Variants in GATD1 observed in about 807,000 individuals in gnomAD.
GATD1 encodes the protein glutamine amidotransferase class 1 domain containing 1, also known as glutamine amidotransferase-like class 1 domain-containing protein 1.
GATD1 carries 23 observed loss-of-function variants against 25.9 expected under a neutral mutation model. The ratio of observed to expected loss-of-function variants is 0.89; its 90% confidence interval spans 0.64 to 1.26. The LOEUF (loss-of-function observed/expected upper bound fraction) is 1.26, where lower values mean the gene tolerates loss of function less well. GATD1 is among the 50% of genes most tolerant of loss of function. The pLI is 0.00. For missense variants in GATD1, 347 were observed against 312.5 expected, an observed-to-expected ratio of 1.11 and a Z score of -0.83; for synonymous variants, 177 against 134.6, an observed-to-expected ratio of 1.31 and a Z score of -2.18.
Position 770,111 on chromosome 11 carries a change from G to T in GATD1, c.*786C>A. On this transcript the variant is annotated 3_prime_UTR_variant, in exon 8 of 8. Transcript: ENST00000319863. ...GGACGCCCTAACCTGGGGCCAGGGG[G>T]CAGCCCGCTGGAGGGCCACAGCCCA... 8.2e-7 allele frequency: 1 copy of T among 1,223,190 alleles called. No individual in the cohort carries two copies. Among genetic ancestry groups the T allele is most frequent in the Middle Eastern group, 3.1e-4 (1 of 3,262 alleles). The allele number at this position is 1,223,190 out of a possible 1,614,324, so 75.8% of individuals were successfully genotyped here. A position where few individuals can be genotyped will look rare whatever the true frequency, so the allele number is the denominator to read the frequency against.
intron 3 of GATD1, 71 bp downstream of exon 3, chr11:773,937 A>G (rs1300254022): frequency 1.4e-6 from 2 of 1,427,858 alleles, no homozygotes; most frequent in Admixed American, 1.7e-5. Context: ...TAAGACCCCA[A>G]ACCTATCTGG....
intron 2 of GATD1, 71 bp from the exon 3 acceptor site, chr11:774,184 A>G: frequency 1.5e-6 from 2 of 1,370,262 alleles, no homozygotes; most frequent in East Asian, 4.7e-5. Flanking sequence ...GGGAGCCTGA[A>G]AAAGCTGACA....
At chr11:771,543 T>C in intron 5 of GATD1, 117 bp from the exon 6 acceptor site, 1 of 1,425,406 alleles carries the variant, frequency 7.0e-7, no homozygotes, top group Non-Finnish European at 9.1e-7. Flanking sequence ...ACCGGGGGTG[T>C]CACTGCTCAT....
chr11:777,456 A>G lies in GATD1; in HGVS notation c.7T>C (p.Ser3Pro), dbSNP rs2133667022. 2 of 1,243,508 alleles carry G rather than the reference A, an allele frequency of 1.6e-6. No homozygotes were observed. The highest frequency in any genetic ancestry group is 2.0e-6 in the Non-Finnish European group (2 of 992,128). 77.0% of individuals were successfully genotyped at this position (1,243,508 alleles called of 1,614,324 possible). A position where few individuals can be genotyped will look rare whatever the true frequency, so the allele number is the denominator to read the frequency against. ...GCGGGCCTGTTAGGGAGCCGCTCGG[A>G]CGCCATGGCTCGGGCTCGGCGCTGG... MA[S>P]ERLPNRPACL... The change falls in exon 1 of 8, where the codon TCC (serine) becomes CCC (proline). Residue 3 changes from serine (S) to proline (P), a missense_variant. Ser to Pro is a moderately conservative substitution (Grantham distance 74). Coordinates refer to ENST00000319863, the MANE Select transcript of GATD1 (RefSeq NM_182612.4).
At position 767,451 on chromosome 11, in the gene GATD1, G is replaced by A; in HGVS notation, c.*3446C>T. ...CGCACGCAGCTGAGGAATGACGCAG[G>A]GGCCTGCAGGCAGCTCACGCGGAGA... is the stretch of plus-strand genomic sequence containing the variant. On this transcript the variant is annotated 3_prime_UTR_variant, in exon 8 of 8. Coordinates refer to ENST00000319863, the MANE Select transcript of GATD1 (RefSeq NM_182612.4). 2.0e-6 allele frequency: 3 copies of A among 1,470,268 alleles called. No homozygotes were observed. Among genetic ancestry groups the A allele is most frequent in the Non-Finnish European group, 9.0e-7 (1 of 1,116,570 alleles). 91.1% of individuals were successfully genotyped at this position (1,470,268 alleles called of 1,614,324 possible).
chr11:775,055 G>C lies in GATD1; in HGVS notation c.141+11C>G. ...CCAAGTGTCCAGTGGGGAAGGAGAG[G>C]CTGGACTTACCCCAGGGGTGGCCAC... On this transcript the variant is annotated intron_variant, in intron 2 of 7. Transcript: ENST00000319863. 6.3e-7 allele frequency: 1 copy of C among 1,596,766 alleles called. No homozygotes were observed. The highest frequency in any genetic ancestry group is 8.5e-7 in the Non-Finnish European group (1 of 1,172,824).
In GATD1 at chr11:770,451, T is replaced by C. The variant is rs909310463; in HGVS notation, c.*446A>G. 6.8e-7 allele frequency: 1 copy of C among 1,477,728 alleles called. No individual in the cohort carries two copies. Among genetic ancestry groups the C allele is most frequent in the African/African-American group, 1.4e-5 (1 of 71,334 alleles). 91.5% of individuals were successfully genotyped at this position (1,477,728 alleles called of 1,614,324 possible). A position where few individuals can be genotyped will look rare whatever the true frequency, so the allele number is the denominator to read the frequency against. ...AAGTTCTGAGCCAGCTCCCGCCGGCTGGGCCCTCCCCTCAAGGCCCCCACC... is the reference window on the plus strand; with the variant it reads ...AAGTTCTGAGCCAGCTCCCGCCGGCCGGGCCCTCCCCTCAAGGCCCCCACC... On this transcript the variant is annotated 3_prime_UTR_variant, in exon 8 of 8. Coordinates refer to ENST00000319863, the MANE Select transcript of GATD1 (RefSeq NM_182612.4).
chr11:770,550 T>C lies in GATD1; in HGVS notation c.*347A>G, dbSNP rs1023029528. Reference sequence around the variant, plus strand: ...CCACACAGAGGACCCCCGAGCCGACTCTGTCTAGTCAACAGTGACCACACG... The same window carrying C: ...CCACACAGAGGACCCCCGAGCCGACCCTGTCTAGTCAACAGTGACCACACG... On this transcript the variant is annotated 3_prime_UTR_variant, in exon 8 of 8. Coordinates refer to ENST00000319863, the MANE Select transcript of GATD1 (RefSeq NM_182612.4). The C allele has an allele frequency of 1.4e-5, 20 of 1,412,302 alleles. No individual in the cohort carries two copies. Among genetic ancestry groups the C allele is most frequent in the Non-Finnish European group, 1.8e-5 (19 of 1,085,366 alleles). 87.5% of individuals were successfully genotyped at this position (1,412,302 alleles called of 1,614,324 possible).
chr11:773,668 A>C, intron 3 of GATD1, 39 bp from the exon 4 acceptor site: 2 of 1,478,394 alleles, frequency 1.4e-6, no homozygotes, highest in Non-Finnish European at 9.3e-7. Flanking sequence ...GCCACATGTC[A>C]AAGTGAGACT....
At chr11:773,699 G>A in intron 3 of GATD1, 70 bp from the exon 4 acceptor site, 7 of 1,211,170 alleles carry the variant, frequency 5.8e-6, no homozygotes, top group Non-Finnish European at 7.1e-6. Context: ...CCAGGCCCGA[G>A]TGCGTGGCCA....
In GATD1 at chr11:771,056, G is replaced by A; in HGVS notation, c.593C>T (p.Thr198Ile). The A allele has an allele frequency of 6.2e-7, 1 of 1,612,116 alleles. No individual in the cohort carries two copies. The highest frequency in any genetic ancestry group is 1.1e-5 in the South Asian group (1 of 90,982). ...VHVVLDRHLV[T>I]GQNASSTVPA... ...GACAGTGGAGCTGGCATTCTGGCCT[G>A]TGACCAGGTGGCGGTCCAGCACGAC... The change falls in exon 7 of 8, where the codon ACA (threonine) becomes ATA (isoleucine). Residue 198 changes from threonine (T) to isoleucine (I), a missense_variant. Physicochemically the swap from Thr to Ile is moderately conservative, Grantham distance 89. Coordinates refer to ENST00000319863, the MANE Select transcript of GATD1 (RefSeq NM_182612.4).
chr11:770,311 T>C lies in GATD1; in HGVS notation c.*586A>G, dbSNP rs1863317334. ...GGACAGGGTGCATCACTGAGGTGCT[T>C]ACACTTTGAAACCACACGCCAGGAA... On this transcript the variant is annotated 3_prime_UTR_variant, in exon 8 of 8. Transcript: ENST00000319863. 2 of 1,531,454 alleles carry C rather than the reference T, an allele frequency of 1.3e-6. No individual in the cohort carries two copies. The highest frequency in any genetic ancestry group is 2.7e-5 in the African/African-American group (2 of 72,880). The allele number at this position is 1,531,454 out of a possible 1,614,324, so 94.9% of individuals were successfully genotyped here.
In GATD1 at chr11:775,108, C is replaced by T. The variant is rs56345968; in HGVS notation, c.99G>A (p.Thr33=). ...VSAQSFLHCF[T]MASTAFNLQV... Reference sequence around the variant, plus strand: ...GCAGGTTGAAGGCGGTGCTGGCCATCGTGAAACAGTGGAGGAAGGACTGGG... The same window carrying T: ...GCAGGTTGAAGGCGGTGCTGGCCATTGTGAAACAGTGGAGGAAGGACTGGG... Residue 33 remains threonine (T), a synonymous_variant, in exon 2 of 8, where the codon ACG becomes ACA. Coordinates refer to ENST00000319863, the MANE Select transcript of GATD1 (RefSeq NM_182612.4). 35,378 of 1,605,700 alleles carry T rather than the reference C, an allele frequency of 0.022. 949 individuals are homozygous for T. The highest frequency in any genetic ancestry group is 0.14 in the African/African-American group (10,415 of 74,934).
intron 1 of GATD1, among the ~76,000 whole-genome samples, chr11:776,399 C>A (rs2133655830): frequency 6.6e-6 from 1 of 152,272 alleles, no homozygotes; most frequent in Non-Finnish European, 1.5e-5. Flanking sequence ...CCCTTCCGGC[C>A]TCCTGAAGTG....
rs1266237319 is a variant in GATD1 at position 767,916 on chromosome 11, T to A, written c.*2981A>T. On this transcript the variant is annotated 3_prime_UTR_variant, in exon 8 of 8. Coordinates refer to ENST00000319863, the MANE Select transcript of GATD1 (RefSeq NM_182612.4). Reference sequence around the variant, plus strand: ...CCCAGACTAGAGTGCAGTGGCACGATGTCAGCTCACTGCAACCTCCGCCTC... The same window carrying A: ...CCCAGACTAGAGTGCAGTGGCACGAAGTCAGCTCACTGCAACCTCCGCCTC... 6.6e-6 allele frequency: 1 copy of A among 152,152 alleles called. No homozygotes were observed. Among genetic ancestry groups the A allele is most frequent in the Non-Finnish European group, 1.5e-5 (1 of 68,250 alleles). 9.4% of individuals were successfully genotyped at this position (152,152 alleles called of 1,614,324 possible). A position where few individuals can be genotyped will look rare whatever the true frequency, so the allele number is the denominator to read the frequency against.
In GATD1 at chr11:770,117, C is replaced by A; in HGVS notation, c.*780G>T. 8.2e-7 allele frequency: 1 copy of A among 1,226,664 alleles called. No homozygotes were observed. Among genetic ancestry groups the A allele is most frequent in the Non-Finnish European group, 1.0e-6 (1 of 983,954 alleles). 76.0% of individuals were successfully genotyped at this position (1,226,664 alleles called of 1,614,324 possible). ...CCTAACCTGGGGCCAGGGGGCAGCCCGCTGGAGGGCCACAGCCCAGGCCAG... is the reference window on the plus strand; with the variant it reads ...CCTAACCTGGGGCCAGGGGGCAGCCAGCTGGAGGGCCACAGCCCAGGCCAG... On this transcript the variant is annotated 3_prime_UTR_variant, in exon 8 of 8. Coordinates refer to ENST00000319863, the MANE Select transcript of GATD1 (RefSeq NM_182612.4).
rs926318460 is a variant in GATD1 at position 776,480 on chromosome 11, T to C, written c.64+919A>G. Among the ~76,000 whole-genome samples the C allele has an allele frequency of 8.5e-5, 13 of 152,092 alleles. No individual in the cohort carries two copies. In the East Asian group the frequency reaches 2.5e-3, roughly 30 times the overall value. On this transcript the variant is annotated intron_variant, in intron 1 of 7. Coordinates refer to ENST00000319863, the MANE Select transcript of GATD1 (RefSeq NM_182612.4). ...CGGACCTCCTCACGCCTACCTGCTCTGGAAACAAGCCCCAACCCACCCCCC... is the reference window on the plus strand; with the variant it reads ...CGGACCTCCTCACGCCTACCTGCTCCGGAAACAAGCCCCAACCCACCCCCC...
chr11:770,753 G>A lies in GATD1; in HGVS notation c.*144C>T, dbSNP rs1863354881. The A allele has an allele frequency of 2.7e-6, 4 of 1,503,208 alleles. No individual in the cohort carries two copies. The highest frequency in any genetic ancestry group is 4.5e-5 in the Admixed American group (2 of 44,072). 93.1% of individuals were successfully genotyped at this position (1,503,208 alleles called of 1,614,324 possible). A position where few individuals can be genotyped will look rare whatever the true frequency, so the allele number is the denominator to read the frequency against. On this transcript the variant is annotated 3_prime_UTR_variant, in exon 8 of 8. Transcript: ENST00000319863. ...ACCCCCTCAGAGCTGATTCCAGGAG[G>A]CCTCCAACAATCCCATCAGGGCCAG... is the stretch of plus-strand genomic sequence containing the variant.
At chr11:774,956 G>T in intron 2 of GATD1, 110 bp downstream of exon 2, 1 of 976,830 alleles carries the variant, frequency 1.0e-6, no homozygotes, top group Non-Finnish European at 1.5e-6. Context: ...TCCACCAACT[G>T]CAGGGGCTCC....
Sources: allele counts gnomAD v4.1 joint callset (sites outside exome capture counted in the v4.1 genomes callset), GRCh38; gene constraint gnomAD v4.1.1; transcripts MANE v1.5; gene names NCBI Gene and HGNC (gene_info 2026-07-23, HGNC 2026-07-21).